Variants in ZNF780B observed in about 807,000 individuals in gnomAD.
ZNF780B encodes the protein zinc finger protein 780B, also known as zinc finger protein 779.
Under a neutral mutation model 74.1 loss-of-function variants are expected in ZNF780B, and 52 were observed. The observed-to-expected ratio is 0.70, with a 90% CI of 0.56 to 0.88. The LOEUF (loss-of-function observed/expected upper bound fraction) is 0.88, where lower values mean the gene tolerates loss of function less well. ZNF780B is among the 40% of genes least tolerant of loss of function. ZNF780B has a pLI of 0.00. For synonymous variants in ZNF780B, 315 were observed against 324.3 expected, an observed-to-expected ratio of 0.97 and a Z score of 0.31; for missense variants, 953 against 1,007.6, an observed-to-expected ratio of 0.95 and a Z score of 0.73.
rs201931853 is a variant in ZNF780B at position 40,035,417 on chromosome 19, G to T, written c.1442C>A (p.Ala481Asp). Residue 481 changes from alanine (A) to aspartate (D), a missense_variant, in exon 5 of 5, where the codon GCC becomes GAC. Ala to Asp is a moderately radical substitution (Grantham distance 126). Coordinates refer to ENST00000434248, the MANE Select transcript of ZNF780B (RefSeq NM_001005851.3). ...KPFECKECGK[A>D]FSLLTQLARH... Reference sequence around the variant, plus strand: ...AGCAAGCTGTGTCAGAAGACTAAAGGCCTTTCCACATTCTTTACATTCAAA... The same window carrying T: ...AGCAAGCTGTGTCAGAAGACTAAAGTCCTTTCCACATTCTTTACATTCAAA... 4.3e-5 allele frequency: 69 copies of T among 1,614,074 alleles called. No homozygotes were observed. The African/African-American group carries it at 8.5e-4, about 20-fold the overall frequency.
intron 4 of ZNF780B, among the ~76,000 whole-genome samples, chr19:40,038,169 G>GT (rs1168352421): frequency 6.6e-6 from 1 of 151,796 alleles, no homozygotes; most frequent in Non-Finnish European, 1.5e-5. Flanking sequence ...GTGGTGTTTG[G>GT]TTTTTTGTCC....
chr19:40,049,050 G>T, intron 2 of ZNF780B: 2 of 400,454 alleles, frequency 5.0e-6, no homozygotes, highest in Non-Finnish European at 8.9e-6. Flanking sequence ...ATAACGAGAT[G>T]CACTCCCTGG....
intron 4 of ZNF780B, among the ~76,000 whole-genome samples, chr19:40,041,851 T>C (rs1195687948): frequency 1.3e-5 from 2 of 152,224 alleles, no homozygotes; most frequent in Non-Finnish European, 2.9e-5. Flanking sequence ...GGGTCTTGAC[T>C]CTTTATCCAA....
At chr19:40,043,035 A>G (rs1972728760) in intron 4 of ZNF780B, among the ~76,000 whole-genome samples, 1 of 151,868 alleles carries the variant, frequency 6.6e-6, no homozygotes. Flanking sequence ...TTGTGGTTTT[A>G]TCTACTTTTG....
At position 40,032,196 on chromosome 19, in the gene ZNF780B, C is replaced by T. The variant is rs551355503; in HGVS notation, c.*2161G>A. On this transcript the variant is annotated 3_prime_UTR_variant, in exon 5 of 5. Transcript: ENST00000434248. ...TGAGAAATGTTCTAGACCAGTGGCT[C>T]TCTAACTCTGGTTGGTATCACAGAC... 98 of 386,982 alleles carry T rather than the reference C, an allele frequency of 2.5e-4. No homozygotes were observed. The highest frequency in any genetic ancestry group is 4.5e-4 in the Non-Finnish European group (89 of 197,708). 24.0% of individuals were successfully genotyped at this position (386,982 alleles called of 1,614,324 possible). A position where few individuals can be genotyped will look rare whatever the true frequency, so the allele number is the denominator to read the frequency against.
In ZNF780B at chr19:40,031,382, C is replaced by A. The variant is rs1346056891; in HGVS notation, c.*2975G>T. 1 of 152,156 alleles carries A rather than the reference C, an allele frequency of 6.6e-6. No homozygotes were observed. The highest frequency in any genetic ancestry group is 1.5e-5 in the Non-Finnish European group (1 of 68,050). 9.4% of individuals were successfully genotyped at this position (152,156 alleles called of 1,614,324 possible). ...GATTACAGGAATGCACCACCATGTC[C>A]AGCTAATTTTTTTATTTTTAGGAGA... On this transcript the variant is annotated 3_prime_UTR_variant, in exon 5 of 5. Coordinates refer to ENST00000434248, the MANE Select transcript of ZNF780B (RefSeq NM_001005851.3).
chr19:40,054,145 A>T (rs1238489811), intron 1 of ZNF780B, among the ~76,000 whole-genome samples: 7 of 152,030 alleles, frequency 4.6e-5, no homozygotes, highest in Non-Finnish European at 7.4e-5. Context: ...AGAGTAAGAC[A>T]CTCTCTCTCA....
chr19:40,036,447 A>C lies in ZNF780B; in HGVS notation c.412T>G (p.Tyr138Asp), dbSNP rs1385522408. The change falls in exon 5 of 5, where the codon TAT (tyrosine) becomes GAT (aspartate). Residue 138 changes from tyrosine (Y) to aspartate (D), a missense_variant. Coordinates refer to ENST00000434248, the MANE Select transcript of ZNF780B (RefSeq NM_001005851.3). ...TAGCTGATGATCTTCTGGTTGATATATCCTTCTTGATGTCCCTGTCGTCCC... is the reference window on the plus strand; with the variant it reads ...TAGCTGATGATCTTCTGGTTGATATCTCCTTCTTGATGTCCCTGTCGTCCC... The part of the protein sequence containing the change: ...FEGRQGHQEG[Y>D]INQKIISYEE... 6.2e-7 allele frequency: 1 copy of C among 1,608,986 alleles called. No homozygotes were observed. Among genetic ancestry groups the C allele is most frequent in the Admixed American group, 1.7e-5 (1 of 58,842 alleles).
chr19:40,052,632 A>C (rs1172601380), intron 1 of ZNF780B, among the ~76,000 whole-genome samples: 1 of 152,202 alleles, frequency 6.6e-6, no homozygotes, highest in African/African-American at 2.4e-5. Flanking sequence ...TAGCCAAAGC[A>C]GTCTGGAGCA....
At chr19:40,036,707 A>T (rs926024516) in intron 4 of ZNF780B, 81 bp from the exon 5 acceptor site, 1 of 847,626 alleles carries the variant, frequency 1.2e-6, no homozygotes, top group East Asian at 2.7e-5. Context: ...AAATGGCCTA[A>T]GTATAAAATA....
chr19:40,055,873 A>C (rs1830018505), intron 1 of ZNF780B, among the ~76,000 whole-genome samples: 1 of 152,190 alleles, frequency 6.6e-6, no homozygotes, highest in South Asian at 2.1e-4. Flanking sequence ...GCAGGAGCCT[A>C]GTACCACCGG....
chr19:40,048,657 C>A lies in ZNF780B; in HGVS notation c.136+13G>T, dbSNP rs1973058294. On this transcript the variant is annotated intron_variant, in intron 3 of 4. Coordinates refer to ENST00000434248, the MANE Select transcript of ZNF780B (RefSeq NM_001005851.3). ...AGAACAGATACAAAAATAACTGGGA[C>A]CAATGACCTTACCCAGTGATATCAG... The A allele has an allele frequency of 6.2e-7, 1 of 1,614,006 alleles. No homozygotes were observed.
chr19:40,054,995 C>T (rs902374993), intron 1 of ZNF780B, among the ~76,000 whole-genome samples: 1 of 152,216 alleles, frequency 6.6e-6, no homozygotes, highest in Non-Finnish European at 1.5e-5. Flanking sequence ...AATCACTTTC[C>T]GATTCCTGAA....
Position 40,036,187 on chromosome 19 carries a change from C to G in ZNF780B, c.672G>C (p.Lys224Asn), listed in dbSNP as rs754063212. The change falls in exon 5 of 5, where the codon AAG (lysine) becomes AAC (asparagine). Residue 224 changes from lysine to asparagine, a missense_variant. Lys to Asn is a moderately conservative substitution (Grantham distance 94). Coordinates refer to ENST00000434248, the MANE Select transcript of ZNF780B (RefSeq NM_001005851.3). ...FHTGEKTFEC[K>N]ECGKAFNLPT... ...GAAGATTAAAGGCTTTTCCACATTC[C>G]TTACATTCAAAAGTTTTCTCACCAG... 1.2e-5 allele frequency: 20 copies of G among 1,613,446 alleles called. No homozygotes were observed. The highest frequency in any genetic ancestry group is 8.8e-5 in the South Asian group (8 of 90,894).
At position 40,035,823 on chromosome 19, in the gene ZNF780B, T is replaced by G; in HGVS notation, c.1036A>C (p.Thr346Pro). ...KECRKAFTLL[T>P]KLVRHQKIHM... ...ATCTTCTGATGTCGAACAAGCTTTG[T>G]CAGAAGAGTAAAGGCCTTTCTGCAT... Residue 346 changes from threonine to proline, a missense_variant, in exon 5 of 5, where the codon ACA (threonine) becomes CCA (proline). By Grantham distance (38) the Thr-to-Pro change is conservative. Coordinates refer to ENST00000434248, the MANE Select transcript of ZNF780B (RefSeq NM_001005851.3). 1 of 1,614,128 alleles carries G rather than the reference T, an allele frequency of 6.2e-7. No homozygotes were observed. The highest frequency in any genetic ancestry group is 8.5e-7 in the Non-Finnish European group (1 of 1,180,026).
At chr19:40,050,006 G>A (rs997713558) in intron 2 of ZNF780B, among the ~76,000 whole-genome samples, 1 of 151,988 alleles carries the variant, frequency 6.6e-6, no homozygotes. Context: ...GACCATCCTG[G>A]CTAATATGGT....
intron 4 of ZNF780B, among the ~76,000 whole-genome samples, chr19:40,042,533 G>A (rs1397973966): frequency 1.3e-5 from 2 of 152,188 alleles, no homozygotes; most frequent in Non-Finnish European, 2.9e-5. Flanking sequence ...TCACTTTCAG[G>A]TACACCAATG....
In ZNF780B at chr19:40,034,448, T is replaced by C. The variant is rs201793012; in HGVS notation, c.2411A>G (p.Gln804Arg). ...LQLSLHQKLV[Q>R]VRNPLNVRNV... is the part of the protein sequence containing the mutation. ...TCTTACATTCAAAGGGTTTCTCACCTGTACAAGTTTTTGATGCAGAGAAAG... is the reference window on the plus strand; with the variant it reads ...TCTTACATTCAAAGGGTTTCTCACCCGTACAAGTTTTTGATGCAGAGAAAG... Residue 804 changes from glutamine (Q) to arginine (R), a missense_variant, in exon 5 of 5, where the codon CAG (glutamine) becomes CGG (arginine). Transcript: ENST00000434248. The C allele has an allele frequency of 1.3e-4, 203 of 1,613,624 alleles. No individual in the cohort carries two copies. The highest frequency in any genetic ancestry group is 1.6e-4 in the Non-Finnish European group (194 of 1,179,888).
rs1972039749 is a variant in ZNF780B, at chr19:40,032,365, T to A, written c.*1992A>T. On this transcript the variant is annotated 3_prime_UTR_variant, in exon 5 of 5. Coordinates refer to ENST00000434248, the MANE Select transcript of ZNF780B (RefSeq NM_001005851.3). ...CTTTCATGGGGTTTCCATGCTACAATACACTAAAGAGAGATAACCAAATGC... is the reference window on the plus strand; with the variant it reads ...CTTTCATGGGGTTTCCATGCTACAAAACACTAAAGAGAGATAACCAAATGC... The A allele has an allele frequency of 5.1e-6, 2 of 395,524 alleles. No individual in the cohort carries two copies. Among genetic ancestry groups the A allele is most frequent in the Non-Finnish European group, 9.9e-6 (2 of 202,752 alleles). 24.5% of individuals were successfully genotyped at this position (395,524 alleles called of 1,614,324 possible).
Sources: allele counts gnomAD v4.1 joint callset (sites outside exome capture counted in the v4.1 genomes callset), GRCh38; gene constraint gnomAD v4.1.1; transcripts MANE v1.5; gene names NCBI Gene and HGNC (gene_info 2026-07-23, HGNC 2026-07-21).